Variants in CLMN observed in about 807,000 individuals in gnomAD.
CLMN encodes the protein calmin, also known as calmin (calponin-like, transmembrane).
A neutral mutation model predicts 92.7 loss-of-function variants in CLMN; 57 were observed. The observed-to-expected ratio is 0.61, with a 90% CI of 0.50 to 0.77. CLMN has a LOEUF of 0.77. Ranked by LOEUF, CLMN falls within the 30% of genes least tolerant of loss-of-function variation. The pLI is 0.00. For missense variants in CLMN, 1,158 were observed against 1,237.5 expected, an observed-to-expected ratio of 0.94 and a Z score of 0.96; for synonymous variants, 466 against 470.6, an observed-to-expected ratio of 0.99 and a Z score of 0.13.
chr14:95,288,478 G>A (rs1406351338), intron 1 of CLMN, among the ~76,000 whole-genome samples: 1 of 152,192 alleles, frequency 6.6e-6, no homozygotes, highest in Non-Finnish European at 1.5e-5. Context: ...TCTGAACAAT[G>A]GAAACTACAG....
intron 1 of CLMN, among the ~76,000 whole-genome samples, chr14:95,280,960 T>C (rs1365501104): frequency 2.6e-5 from 4 of 152,236 alleles, no homozygotes; most frequent in Admixed American, 2.6e-4. Context: ...AATTGTTATC[T>C]TGTTTCAATC....
At chr14:95,205,402 C>G (rs1279208182) in intron 8 of CLMN, among the ~76,000 whole-genome samples, 1 of 152,120 alleles carries the variant, frequency 6.6e-6, no homozygotes, top group African/African-American at 2.4e-5. Context: ...CAAGCAAAGG[C>G]TCTAGAATAA....
At chr14:95,303,445 G>A (rs1447319207) in intron 1 of CLMN, among the ~76,000 whole-genome samples, 1 of 152,212 alleles carries the variant, frequency 6.6e-6, no homozygotes, top group Non-Finnish European at 1.5e-5. Context: ...GTCCACTGAT[G>A]GGCAATTAGG....
At chr14:95,253,164 CT>C (rs1467703506) in intron 1 of CLMN, among the ~76,000 whole-genome samples, 1 of 152,208 alleles carries the variant, frequency 6.6e-6, no homozygotes, top group African/African-American at 2.4e-5. Flanking sequence ...ACTGTGGCCC[CT>C]GACCACCCAC....
At chr14:95,250,681 C>T (rs922051057) in intron 1 of CLMN, among the ~76,000 whole-genome samples, 1 of 152,216 alleles carries the variant, frequency 6.6e-6, no homozygotes, top group African/African-American at 2.4e-5. Flanking sequence ...AGCTACAGAG[C>T]ATGTCATCCA....
intron 1 of CLMN, among the ~76,000 whole-genome samples, chr14:95,266,651 T>C (rs1189394535): frequency 1.3e-5 from 2 of 152,160 alleles, no homozygotes; most frequent in African/African-American, 4.8e-5. Flanking sequence ...GCAATCCCTA[T>C]CAAAATACCA....
intron 1 of CLMN, among the ~76,000 whole-genome samples, chr14:95,298,474 C>G (rs1900906372): frequency 6.6e-6 from 1 of 152,182 alleles, no homozygotes; most frequent in Non-Finnish European, 1.5e-5. Flanking sequence ...TAATCCAGCA[C>G]CCCAAAGTGG....
intron 9 of CLMN, among the ~76,000 whole-genome samples, chr14:95,197,006 T>C (rs1595554554): frequency 1.3e-5 from 2 of 152,254 alleles, no homozygotes; most frequent in Admixed American, 6.5e-5. Flanking sequence ...ACTGATGTTA[T>C]CTTTTTGAGC....
At chr14:95,239,600 TAC>T (rs1208460484) in intron 1 of CLMN, among the ~76,000 whole-genome samples, 1 of 152,196 alleles carries the variant, frequency 6.6e-6, no homozygotes, top group East Asian at 1.9e-4. Flanking sequence ...AGCCATATTC[TAC>T]AGAGTATGAG....
rs544131230 is a variant in CLMN at position 95,311,205 on chromosome 14, G to A, written c.82+8506C>T. On this transcript the variant is annotated intron_variant, in intron 1 of 12. Coordinates refer to ENST00000298912, the MANE Select transcript of CLMN (RefSeq NM_024734.4). The stretch of plus-strand genomic sequence containing the variant: ...ACCACCAGATTGGCAGGTCACCTCC[G>A]AGCCCCCTCCCCACCCGCCGCCCCA... Among the ~76,000 whole-genome samples the A allele has an allele frequency of 5.7e-4, 87 of 152,242 alleles. 1 individual carries two copies. The highest frequency in any genetic ancestry group is 2.0e-3 in the African/African-American group (85 of 41,542).
chr14:95,227,957 C>T (rs1310455114), intron 2 of CLMN, among the ~76,000 whole-genome samples: 1 of 152,128 alleles, frequency 6.6e-6, no homozygotes, highest in Non-Finnish European at 1.5e-5. Flanking sequence ...TAATTTTGCC[C>T]TGTTTATTAG....
intron 1 of CLMN, among the ~76,000 whole-genome samples, chr14:95,271,463 C>T (rs1457819239): frequency 1.3e-5 from 2 of 152,156 alleles, no homozygotes; most frequent in Non-Finnish European, 2.9e-5. Flanking sequence ...TCTCCTTTTA[C>T]CTCATTTCAG....
chr14:95,209,578 G>T, intron 7 of CLMN, 101 bp from the exon 8 acceptor site: 2 of 947,168 alleles, frequency 2.1e-6, no homozygotes, highest in South Asian at 1.4e-5. Context: ...GATTATTGAA[G>T]GTTTTTTCTC....
At chr14:95,305,805 G>A (rs1412742948) in intron 1 of CLMN, among the ~76,000 whole-genome samples, 2 of 152,190 alleles carry the variant, frequency 1.3e-5, no homozygotes, top group Non-Finnish European at 2.9e-5. Flanking sequence ...ACAGCATGAA[G>A]CAGGATGCAA....
intron 1 of CLMN, among the ~76,000 whole-genome samples, chr14:95,231,983 C>T (rs1049065454): frequency 6.6e-5 from 10 of 152,218 alleles, no homozygotes; most frequent in Admixed American, 6.5e-4. Context: ...GATGTTGTAA[C>T]TTGTCCAAGG....
chr14:95,194,430 C>G lies in CLMN; in HGVS notation c.2769+106G>C. 2.5e-6 allele frequency: 4 copies of G among 1,585,726 alleles called. No individual in the cohort carries two copies. Among genetic ancestry groups the G allele is most frequent in the African/African-American group, 1.4e-5 (1 of 73,792 alleles). On this transcript the variant is annotated intron_variant, in intron 11 of 12. Coordinates refer to ENST00000298912, the MANE Select transcript of CLMN (RefSeq NM_024734.4). This position sits in a 1 kb window ranked among gnomAD's most constrained non-coding sequence, Gnocchi z 4.0. ...GCTTGTCTTCTATCCAAAAGTATAG[C>G]TGTTGCATGCCAGTAATTTCAAAGC...
At chr14:95,195,889 C>T (rs959599995) in intron 10 of CLMN, among the ~76,000 whole-genome samples, 3 of 152,154 alleles carry the variant, frequency 2.0e-5, no homozygotes, top group East Asian at 3.8e-4. Flanking sequence ...CATCTGGTGG[C>T]CTTGGAGTGA....
intron 1 of CLMN, among the ~76,000 whole-genome samples, chr14:95,241,961 C>T (rs1898258297): frequency 6.6e-6 from 1 of 152,236 alleles, no homozygotes; most frequent in Non-Finnish European, 1.5e-5. Flanking sequence ...TACAAGGTCT[C>T]CCTAATGCCA....
intron 12 of CLMN, chr14:95,192,489 G>A (rs2140555849): frequency 6.6e-6 from 1 of 152,242 alleles, no homozygotes; most frequent in African/African-American, 2.4e-5. Flanking sequence ...AGCCTCTTAG[G>A]GTGGTTTCGT....
Sources: allele counts gnomAD v4.1 joint callset (sites outside exome capture counted in the v4.1 genomes callset), GRCh38; gene constraint gnomAD v4.1.1; non-coding constraint Gnocchi (gnomAD v3.1); transcripts MANE v1.5; gene names NCBI Gene and HGNC (gene_info 2026-07-23, HGNC 2026-07-21).